Variants in SUMF1 observed in about 807,000 individuals in gnomAD.
SUMF1 encodes the protein formylglycine-generating enzyme.
A neutral mutation model predicts 47.6 loss-of-function variants in SUMF1; 48 were observed. The ratio of observed to expected loss-of-function variants is 1.01; its 90% CI spans 0.80 to 1.28. The LOEUF is 1.28. SUMF1 is among the 50% of genes most tolerant of loss of function. The probability of loss-of-function intolerance (pLI) is 0.00; values close to 1 mark genes in which losing one functional copy is unlikely to be tolerated. For synonymous variants in SUMF1, 230 were observed against 192.1 expected (o/e 1.20, Z -1.63); for missense variants, 571 against 485.4 (o/e 1.18, Z -1.66).
intron 8 of SUMF1, among the ~76,000 whole-genome samples, chr3:4,133,137 T>G (rs1693831672): frequency 6.6e-6 from 1 of 152,176 alleles, no homozygotes; most frequent in Admixed American, 6.5e-5. Context: ...TCTTCTTTTG[T>G]TAAAAACATG....
chr3:4,200,516 C>G (rs1031850338), intron 8 of SUMF1, among the ~76,000 whole-genome samples: 13 of 152,162 alleles, frequency 8.5e-5, no homozygotes, highest in African/African-American at 2.4e-4. Context: ...GGACTTGCAC[C>G]AGCAGCTCTC....
At chr3:4,110,044 A>T (rs867770968) in intron 8 of SUMF1, among the ~76,000 whole-genome samples, 1 of 151,818 alleles carries the variant, frequency 6.6e-6, no homozygotes, top group Admixed American at 6.6e-5. Context: ...TTTTTTCCCC[A>T]TCTTTGTGGT....
At chr3:4,218,128 C>T (rs543471025) in intron 8 of SUMF1, among the ~76,000 whole-genome samples, 6 of 151,850 alleles carry the variant, frequency 4.0e-5, no homozygotes, top group South Asian at 2.1e-4. Flanking sequence ...AAAATAGACA[C>T]GCAGGGAAGA....
At chr3:4,393,125 T>G (rs1157120804) in intron 7 of SUMF1, among the ~76,000 whole-genome samples, 1 of 152,164 alleles carries the variant, frequency 6.6e-6, no homozygotes, top group African/African-American at 2.4e-5. Context: ...GCGATCTCCC[T>G]GTTAAATTTC....
At chr3:4,128,100 T>C (rs373282450) in intron 8 of SUMF1, among the ~76,000 whole-genome samples, 10 of 152,210 alleles carry the variant, frequency 6.6e-5, no homozygotes, top group African/African-American at 2.2e-4. Context: ...AGGGATTCTA[T>C]CTCCTGGCTT....
chr3:4,135,979 T>G (rs1002308042), intron 8 of SUMF1, among the ~76,000 whole-genome samples: 1 of 151,956 alleles, frequency 6.6e-6, no homozygotes, highest in Non-Finnish European at 1.5e-5. Flanking sequence ...TAAAAGAGGA[T>G]ACAAACAAAT....
At chr3:4,253,509 C>G (rs1676128208) in intron 8 of SUMF1, among the ~76,000 whole-genome samples, 1 of 152,020 alleles carries the variant, frequency 6.6e-6, no homozygotes, top group East Asian at 1.9e-4. Flanking sequence ...ACGGACGCAC[C>G]TGGAAAATCG....
At position 4,228,171 on chromosome 3, in the gene SUMF1, A is replaced by G. The variant is rs58166781; in HGVS notation, c.1014+148159T>C. On this transcript the variant is annotated intron_variant and NMD_transcript_variant, in intron 8 of 12. Transcript: ENST00000448413. ...TGGATGACTTTGTAAGTCATTTTCA[A>G]TATATCATTTATAACTATGAATCTT... 2.3e-3 allele frequency among the ~76,000 whole-genome samples: 355 copies of G among 152,206 alleles called. 2 individuals are homozygous for G. The highest frequency in any genetic ancestry group is 8.1e-3 in the African/African-American group (335 of 41,556).
intron 7 of SUMF1, among the ~76,000 whole-genome samples, chr3:4,380,857 C>T (rs373330658): frequency 6.6e-6 from 1 of 152,166 alleles, no homozygotes; most frequent in Non-Finnish European, 1.5e-5. Context: ...CAACACTCAG[C>T]ATTAGTGCAG....
chr3:4,418,162 T>C (rs764553654), intron 4 of SUMF1, 30 bp from the exon 5 acceptor site: 1 of 1,613,674 alleles, frequency 6.2e-7, no homozygotes, highest in Non-Finnish European at 8.5e-7. Flanking sequence ...GAATGAAAAG[T>C]GACACCAATC....
intron 8 of SUMF1, among the ~76,000 whole-genome samples, chr3:4,187,509 C>T (rs951652514): frequency 2.0e-5 from 3 of 152,118 alleles, no homozygotes; most frequent in Admixed American, 1.3e-4. Flanking sequence ...ATATAATTCC[C>T]AGTGCATAGC....
chr3:4,149,449 T>C (rs1430370360), intron 8 of SUMF1, among the ~76,000 whole-genome samples: 1 of 152,154 alleles, frequency 6.6e-6, no homozygotes, highest in Non-Finnish European at 1.5e-5. Flanking sequence ...ATCTACTCAA[T>C]GCTTGCAACA....
At chr3:4,243,380 C>G (rs1468587740) in intron 8 of SUMF1, among the ~76,000 whole-genome samples, 1 of 152,186 alleles carries the variant, frequency 6.6e-6, no homozygotes, top group Non-Finnish European at 1.5e-5. Context: ...ATCTTTCTTG[C>G]TTTCTCTTGT....
chr3:4,342,829 G>T lies in SUMF1; in HGVS notation c.1014+33501C>A, dbSNP rs989808831. Among the ~76,000 whole-genome samples, 13 of 152,258 alleles carry T rather than the reference G, an allele frequency of 8.5e-5. No individual in the cohort carries two copies. In the East Asian group the frequency reaches 2.5e-3, roughly 29 times the overall value. On this transcript the variant is annotated intron_variant and NMD_transcript_variant, in intron 8 of 12. Coordinates refer to the SUMF1 transcript ENST00000448413. ...GAACCATCAAGGTAGACTCACTAGT[G>T]ACCCTCAGGAGCAGCTGTCCTAAAG...
rs1213784165 is a variant in SUMF1, at chr3:4,039,208, A to ATTTTTTTTTTTTTT, written c.1191+29360_1191+29361insAAAAAAAAAAAAAA. On this transcript the variant is annotated intron_variant and NMD_transcript_variant, in intron 9 of 12. Transcript: ENST00000448413. The stretch of plus-strand genomic sequence containing the variant: ...CAAGCATGCCTGAAACATCTATGCA[A>ATTTTTTTTTTTTTT]ATTTTTTTTTTTTTTTTTTTTTTTT... Among the ~76,000 whole-genome samples, 17 of 46,174 alleles carry ATTTTTTTTTTTTTT rather than the reference A, an allele frequency of 3.7e-4. 1 individual carries two copies. Among genetic ancestry groups the ATTTTTTTTTTTTTT allele is most frequent in the South Asian group, 2.1e-3 (2 of 948 alleles). 30.3% of individuals were successfully genotyped at this position (46,174 alleles called of 152,430 possible). A position where few individuals can be genotyped will look rare whatever the true frequency, so the allele number is the denominator to read the frequency against.
chr3:4,053,130 G>T lies in SUMF1; in HGVS notation c.1191+15439C>A, dbSNP rs76452038. On this transcript the variant is annotated intron_variant and NMD_transcript_variant, in intron 9 of 12. Coordinates refer to the SUMF1 transcript ENST00000448413. The stretch of plus-strand genomic sequence containing the variant: ...CTTCCTTTCACTTGAACAGTTAGAG[G>T]GCATTGCAGGGCTATTAATGGGCCT... Among the ~76,000 whole-genome samples, 647 of 152,158 alleles carry T rather than the reference G, an allele frequency of 4.3e-3. 7 individuals carry two copies. The highest frequency in any genetic ancestry group is 0.014 in the African/African-American group (590 of 41,502).
At chr3:4,168,694 T>C (rs1053924946) in intron 8 of SUMF1, among the ~76,000 whole-genome samples, 1 of 152,214 alleles carries the variant, frequency 6.6e-6, no homozygotes, top group Non-Finnish European at 1.5e-5. Context: ...GGTAATTATA[T>C]TGAGCAAGTC....
intron 8 of SUMF1, among the ~76,000 whole-genome samples, chr3:4,324,191 G>A (rs1294697851): frequency 6.6e-6 from 1 of 152,036 alleles, no homozygotes; most frequent in Non-Finnish European, 1.5e-5. Context: ...TGTCTCAGCA[G>A]AGTGACGCTT....
chr3:4,383,711 G>A (rs1700582348), intron 7 of SUMF1, among the ~76,000 whole-genome samples: 1 of 152,180 alleles, frequency 6.6e-6, no homozygotes, highest in Non-Finnish European at 1.5e-5. Flanking sequence ...CTGTGACAAA[G>A]ACCTACTGTG....
Sources: allele counts gnomAD v4.1 joint callset (sites outside exome capture counted in the v4.1 genomes callset), GRCh38; gene constraint gnomAD v4.1.1; transcripts MANE v1.5; gene names NCBI Gene and HGNC (gene_info 2026-07-23, HGNC 2026-07-21).